PDE1C: variants seen among roughly 807,000 people sequenced by gnomAD.
PDE1C encodes the protein phosphodiesterase 1C.
PDE1C carries 62 observed loss-of-function variants against 93.1 expected under a neutral mutation model. That is an observed-to-expected ratio of 0.67 (90% confidence interval 0.54 to 0.82). The LOEUF (loss-of-function observed/expected upper bound fraction) is 0.82, where lower values mean the gene tolerates loss of function less well. Among genes scored for constraint, PDE1C ranks in the 40% least tolerant of loss-of-function variants. The pLI, the probability that PDE1C is intolerant of heterozygous loss-of-function variation, is 0.00. For missense variants in PDE1C, 742 were observed against 884.6 expected (o/e 0.84, Z 2.04); for synonymous variants, 325 against 310.1 (o/e 1.05, Z -0.50).
At chr7:31,954,530 A>G (rs929605) in intron 2 of PDE1C, among the ~76,000 whole-genome samples, 102,572 of 152,006 alleles carry the variant, frequency 0.67, 34,840 homozygotes, top group Admixed American at 0.72. Flanking sequence ...TTTTTAATGG[A>G]TCTATTCCTC....
At chr7:32,081,424 C>T (rs1796654693) in intron 3 of PDE1C, among the ~76,000 whole-genome samples, 1 of 152,194 alleles carries the variant, frequency 6.6e-6, no homozygotes, top group African/African-American at 2.4e-5. Context: ...AAATCAGTCC[C>T]ATTCTCACCC....
At chr7:32,393,819 T>C (rs1050125563) in intron 1 of PDE1C, among the ~76,000 whole-genome samples, 6 of 152,240 alleles carry the variant, frequency 3.9e-5, no homozygotes, top group Non-Finnish European at 8.8e-5. Flanking sequence ...ATATCTCACC[T>C]GAATTTTTTC....
chr7:32,165,337 AG>A (rs983760272), intron 3 of PDE1C, among the ~76,000 whole-genome samples: 13 of 152,206 alleles, frequency 8.5e-5, no homozygotes, highest in South Asian at 4.1e-4. Context: ...AACCCCAGGA[AG>A]GGGGTCTCTT....
At chr7:31,679,995 A>T in the PDE1C span, among the ~76,000 whole-genome samples, 1 of 152,176 alleles carries the variant, frequency 6.6e-6, no homozygotes, top group Non-Finnish European at 1.5e-5. Flanking sequence ...GTTCATTCCC[A>T]TGTGCTGCAG....
chr7:32,183,586 C>A (rs1157303105), intron 2 of PDE1C, among the ~76,000 whole-genome samples: 4 of 152,148 alleles, frequency 2.6e-5, no homozygotes, highest in East Asian at 1.9e-4. Flanking sequence ...GCTGGGAAAA[C>A]GGGCTAGCCA....
intron 14 of PDE1C, 53 bp downstream of exon 14, chr7:31,823,020 A>G (rs968035986): frequency 1.1e-5 from 16 of 1,439,132 alleles, no homozygotes; most frequent in Non-Finnish European, 1.5e-5. Context: ...TAACTCAGAG[A>G]GGACAACCTT....
intron 2 of PDE1C, among the ~76,000 whole-genome samples, chr7:31,980,767 C>G (rs1269976356): frequency 6.6e-6 from 1 of 152,174 alleles, no homozygotes; most frequent in East Asian, 1.9e-4. Flanking sequence ...AGGAGAGAAT[C>G]AGTTTCCTTG....
At chr7:31,889,237 T>G (rs922777908) in intron 2 of PDE1C, among the ~76,000 whole-genome samples, 1 of 152,252 alleles carries the variant, frequency 6.6e-6, no homozygotes, top group Non-Finnish European at 1.5e-5. Flanking sequence ...TCAAGACTTA[T>G]TATAAAGCAT....
intron 2 of PDE1C, among the ~76,000 whole-genome samples, chr7:31,952,615 G>A (rs1807539290): frequency 1.3e-5 from 2 of 152,206 alleles, no homozygotes; most frequent in African/African-American, 4.8e-5. Context: ...ATGCTGCTTA[G>A]TCCTGAATTG....
intron 2 of PDE1C, among the ~76,000 whole-genome samples, chr7:32,200,663 A>G (rs1478524366): frequency 6.6e-6 from 1 of 152,190 alleles, no homozygotes; most frequent in African/African-American, 2.4e-5. Flanking sequence ...GTTTCCTCAC[A>G]GTATTATGGC....
chr7:32,321,047 T>C (rs77349115), intron 1 of PDE1C, among the ~76,000 whole-genome samples: 3,457 of 152,262 alleles, frequency 0.023, 60 homozygotes, highest in South Asian at 0.078. Flanking sequence ...CCAATCCTGA[T>C]CCCTGTGATA....
At position 32,229,419 on chromosome 7, in the gene PDE1C, CT is replaced by C. The variant is rs1215619874; in HGVS notation, c.86-19881del. On this transcript the variant is annotated intron_variant, in intron 1 of 18. Transcript: ENST00000396193. ...CAGAAAGTGACTTCAGTAGGGGCAC[CT>C]TTTCCTATTTGCACAAAGGAACATT... Among the ~76,000 whole-genome samples the C allele has an allele frequency of 2.0e-5, 3 of 152,202 alleles. No individual in the cohort carries two copies. The East Asian group carries it at 5.8e-4, about 29-fold the overall frequency.
rs111942231 is a variant in PDE1C, at chr7:31,995,978, C to G, written c.128+55576G>C. On this transcript the variant is annotated intron_variant, in intron 2 of 17. Coordinates refer to ENST00000396191, the MANE Select transcript of PDE1C (RefSeq NM_001191057.4). ...CAAAAAGCATAGGTTTCTTGGGCAGCCTGCATTACTCCGAGAGGGACATCT... is the reference window on the plus strand; with the variant it reads ...CAAAAAGCATAGGTTTCTTGGGCAGGCTGCATTACTCCGAGAGGGACATCT... 2.3e-3 allele frequency among the ~76,000 whole-genome samples: 344 copies of G among 151,800 alleles called. 2 individuals carry two copies. Among genetic ancestry groups the G allele is most frequent in the African/African-American group, 8.0e-3 (331 of 41,390 alleles).
chr7:31,683,077 T>C, the PDE1C span, among the ~76,000 whole-genome samples: 1 of 152,134 alleles, frequency 6.6e-6, no homozygotes, highest in African/African-American at 2.4e-5. Flanking sequence ...TGGTGCTGGA[T>C]ACAAGAACTT....
At chr7:32,354,973 T>C (rs1417573393) in intron 1 of PDE1C, among the ~76,000 whole-genome samples, 1 of 152,242 alleles carries the variant, frequency 6.6e-6, no homozygotes, top group African/African-American at 2.4e-5. Flanking sequence ...TTTCCCTCTC[T>C]GGAGGACTTC....
chr7:31,999,713 T>G (rs1250511792), intron 2 of PDE1C, among the ~76,000 whole-genome samples: 1 of 152,206 alleles, frequency 6.6e-6, no homozygotes, highest in Non-Finnish European at 1.5e-5. Context: ...ACACACCACA[T>G]GTTTTTACAC....
At chr7:31,689,264 T>C in the PDE1C span, among the ~76,000 whole-genome samples, 5 of 152,190 alleles carry the variant, frequency 3.3e-5, no homozygotes, top group Admixed American at 6.5e-5. Flanking sequence ...CAAGTCTTTG[T>C]AGTAGACACA....
intron 2 of PDE1C, among the ~76,000 whole-genome samples, chr7:31,918,982 A>T (rs1472886248): frequency 1.3e-5 from 2 of 152,328 alleles, no homozygotes; most frequent in East Asian, 3.9e-4. Flanking sequence ...CTTCATTGCC[A>T]TGGATCAGGT....
chr7:32,028,858 C>A (rs1030987099), intron 2 of PDE1C, among the ~76,000 whole-genome samples: 3 of 152,070 alleles, frequency 2.0e-5, no homozygotes, highest in Non-Finnish European at 4.4e-5. Flanking sequence ...CCCTTCCCCC[C>A]AGCCTCTGTA....
Sources: allele counts gnomAD v4.1 joint callset (sites outside exome capture counted in the v4.1 genomes callset), GRCh38; gene constraint gnomAD v4.1.1; transcripts MANE v1.5; gene names NCBI Gene and HGNC (gene_info 2026-07-23, HGNC 2026-07-21).